MTREX: variants seen among roughly 807,000 people sequenced by gnomAD.
The protein encoded by MTREX is Mtr4 exosome RNA helicase.
MTREX carries 76 observed loss-of-function variants against 135.4 expected under a neutral mutation model. That is an observed-to-expected ratio of 0.56 (90% CI 0.47 to 0.68). The LOEUF is 0.68. MTREX is among the 30% of genes least tolerant of loss of function. The pLI is 0.00. For missense variants in MTREX, 920 were observed against 1,262.1 expected (o/e 0.73, Z 4.11); for synonymous variants, 404 against 401.6 (o/e 1.01, Z -0.07).
chr5:55,387,137 TAG>T (rs1456525849), intron 18 of MTREX, among the ~76,000 whole-genome samples: 3 of 152,110 alleles, frequency 2.0e-5, no homozygotes, highest in East Asian at 3.8e-4. Flanking sequence ...ATTGGAAAAA[TAG>T]AGTGTATGCT....
chr5:55,359,860 C>T (rs1357619550), intron 15 of MTREX, among the ~76,000 whole-genome samples: 4 of 152,112 alleles, frequency 2.6e-5, no homozygotes, highest in South Asian at 2.1e-4. Context: ...ATTTACTTGA[C>T]GTTTCTGGAT....
At chr5:55,384,190 T>C (rs139429578) in intron 18 of MTREX, among the ~76,000 whole-genome samples, 84 of 152,314 alleles carry the variant, frequency 5.5e-4, no homozygotes, top group Non-Finnish European at 9.1e-4. Flanking sequence ...TCATTTTTAT[T>C]TGTTTGTTCT....
At chr5:55,362,596 G>A (rs897075183) in intron 15 of MTREX, among the ~76,000 whole-genome samples, 2 of 150,674 alleles carry the variant, frequency 1.3e-5, no homozygotes, top group African/African-American at 4.9e-5. Flanking sequence ...CCTGACCTCA[G>A]GTGATCCACC....
intron 15 of MTREX, among the ~76,000 whole-genome samples, chr5:55,362,214 T>C (rs1167913034): frequency 6.6e-6 from 1 of 151,478 alleles, no homozygotes; most frequent in Non-Finnish European, 1.5e-5. Flanking sequence ...ATTACAGGCA[T>C]GAACCATCGC....
chr5:55,364,962 A>G (rs1338345481), intron 15 of MTREX, among the ~76,000 whole-genome samples: 1 of 152,188 alleles, frequency 6.6e-6, no homozygotes, highest in Non-Finnish European at 1.5e-5. Context: ...GGATACTGTC[A>G]GAGTGAAAGA....
intron 11 of MTREX, among the ~76,000 whole-genome samples, chr5:55,347,730 G>A (rs902818594): frequency 6.6e-6 from 1 of 152,220 alleles, no homozygotes; most frequent in African/African-American, 2.4e-5. Flanking sequence ...GCTGAGACTA[G>A]TGCATTTTCA....
At chr5:55,321,385 T>A (rs1050148899) in intron 1 of MTREX, among the ~76,000 whole-genome samples, 1 of 152,188 alleles carries the variant, frequency 6.6e-6, no homozygotes, top group African/African-American at 2.4e-5. Context: ...CTCATTTTTT[T>A]AATTGGGTTA....
chr5:55,404,625 C>T (rs998483629), intron 21 of MTREX, among the ~76,000 whole-genome samples: 4 of 151,992 alleles, frequency 2.6e-5, no homozygotes, highest in African/African-American at 4.8e-5. Flanking sequence ...ACTTTTGGAC[C>T]GTGATTAATT....
intron 9 of MTREX, 104 bp downstream of exon 9, chr5:55,344,724 T>C (rs2112062018): frequency 1.5e-6 from 1 of 659,044 alleles, no homozygotes; most frequent in South Asian, 2.5e-5. Flanking sequence ...ATGGAAAAGA[T>C]ACATTTGTTT....
intron 5 of MTREX, among the ~76,000 whole-genome samples, chr5:55,334,133 A>G (rs1749517292): frequency 6.6e-6 from 1 of 152,108 alleles, no homozygotes; most frequent in African/African-American, 2.4e-5. Context: ...ATCCATAGAG[A>G]AAGACAGCAT....
At chr5:55,424,666 A>AAGTT (rs1291391724) in intron 26 of MTREX, 54 bp from the exon 27 acceptor site, 3 of 1,321,014 alleles carry the variant, frequency 2.3e-6, no homozygotes, top group Non-Finnish European at 3.3e-6. Flanking sequence ...CGGTAGAGGC[A>AAGTT]AGTTAGGTGT....
chr5:55,312,624 G>A (rs1357808777), intron 1 of MTREX, among the ~76,000 whole-genome samples: 1 of 152,076 alleles, frequency 6.6e-6, no homozygotes, highest in Non-Finnish European at 1.5e-5. Context: ...TAGTGCTTCT[G>A]AGATTCAGTC....
chr5:55,373,120 C>CTT (rs541949136), intron 16 of MTREX, among the ~76,000 whole-genome samples: 5 of 134,514 alleles, frequency 3.7e-5, no homozygotes, highest in Non-Finnish European at 6.5e-5. Context: ...ATTTTTATTT[C>CTT]TTTTTTTTTT....
At chr5:55,422,716 C>T (rs1751073271) in intron 25 of MTREX, among the ~76,000 whole-genome samples, 162 bp from the exon 26 acceptor site, 1 of 152,190 alleles carries the variant, frequency 6.6e-6, no homozygotes, top group African/African-American at 2.4e-5. Flanking sequence ...TTAAGCCTTT[C>T]ATCTTTGTAG....
In MTREX at chr5:55,308,019, G is replaced by T. The variant is rs369547561; in HGVS notation, c.6G>T (p.Ala2=). 5.0e-6 allele frequency: 8 copies of T among 1,614,152 alleles called. No homozygotes were observed. Among genetic ancestry groups the T allele is most frequent in the Non-Finnish European group, 6.8e-6 (8 of 1,180,034 alleles). The change falls in exon 1 of 27, where the codon GCG becomes GCT. Residue 2 remains alanine (A), a synonymous_variant. Transcript: ENST00000230640. The part of the protein sequence containing the change: M[A]DAFGDELFSV... ...TGCTCTCACTGCTCCCAAAAATGGCGGACGCATTCGGAGATGAGCTGTTCA... is the reference window on the plus strand; with the variant it reads ...TGCTCTCACTGCTCCCAAAAATGGCTGACGCATTCGGAGATGAGCTGTTCA...
intron 19 of MTREX, among the ~76,000 whole-genome samples, chr5:55,390,944 A>T (rs1242857222): frequency 2.0e-5 from 3 of 152,222 alleles, no homozygotes; most frequent in African/African-American, 7.2e-5. Context: ...TTGCTGATTT[A>T]AACCCTTTGT....
chr5:55,408,535 T>C (rs230779), intron 22 of MTREX, among the ~76,000 whole-genome samples: 130,800 of 152,142 alleles, frequency 0.86, 56,617 homozygotes, highest in South Asian at 0.92. Context: ...TTTTAACTGT[T>C]AGTAAAGATT....
At chr5:55,359,468 A>G (rs1433885705) in intron 15 of MTREX, among the ~76,000 whole-genome samples, 1 of 152,160 alleles carries the variant, frequency 6.6e-6, no homozygotes, top group African/African-American at 2.4e-5. Flanking sequence ...TAGACTTGGG[A>G]ACTTTGTGGA....
In MTREX at chr5:55,366,869, G is replaced by A. The variant is rs1750112682; in HGVS notation, c.1804G>A (p.Val602Ile). Residue 602 changes from valine to isoleucine, a missense_variant, in exon 16 of 27, where the codon GTA (valine) becomes ATA (isoleucine). Val to Ile is a conservative substitution (Grantham distance 29). Coordinates refer to ENST00000230640, the MANE Select transcript of MTREX (RefSeq NM_015360.5). ...GCATTATAGAGCAATTCCAGGAGTA[G>A]TAGAGAGTAAGTATAAAATACCATA... ...FQHYRAIPGVVEKVKNSEEQY... is the reference protein window; with the variant it reads ...FQHYRAIPGVIEKVKNSEEQY... 1 of 1,604,336 alleles carries A rather than the reference G, an allele frequency of 6.2e-7. No individual in the cohort carries two copies. Among genetic ancestry groups the A allele is most frequent in the Non-Finnish European group, 8.5e-7 (1 of 1,175,208 alleles).
Sources: allele counts gnomAD v4.1 joint callset (sites outside exome capture counted in the v4.1 genomes callset), GRCh38; gene constraint gnomAD v4.1.1; transcripts MANE v1.5; gene names NCBI Gene and HGNC (gene_info 2026-07-23, HGNC 2026-07-21).